Variants in SANBR observed in about 807,000 individuals in gnomAD.
SANBR encodes the protein SANT and BTB domain regulator of class switch recombination.
Under a neutral mutation model 101.8 loss-of-function variants are expected in SANBR, and 77 were observed. That is an observed-to-expected ratio of 0.76 (90% CI 0.63 to 0.91). The LOEUF (loss-of-function observed/expected upper bound fraction) is 0.91. SANBR is among the 40% of genes least tolerant of loss of function. The probability of loss-of-function intolerance (pLI) is 0.00; values close to 1 mark genes in which losing one functional copy is unlikely to be tolerated. For missense variants in SANBR, 875 were observed against 853.0 expected (o/e 1.03, Z -0.32); for synonymous variants, 279 against 274.7 (o/e 1.02, Z -0.15).
At chr2:61,132,976 G>C (rs566228639) in intron 20 of SANBR, among the ~76,000 whole-genome samples, 1 of 152,194 alleles carries the variant, frequency 6.6e-6, no homozygotes, top group Non-Finnish European at 1.5e-5. Context: ...GACTGGCCAG[G>C]TGCAGTGGCT....
In SANBR at chr2:61,122,355, T is replaced by C. The variant is rs1684367043; in HGVS notation, c.*193T>C. 1 of 1,256,186 alleles carries C rather than the reference T, an allele frequency of 8.0e-7. No homozygotes were observed. The highest frequency in any genetic ancestry group is 1.0e-6 in the Non-Finnish European group (1 of 983,726). 77.8% of individuals were successfully genotyped at this position (1,256,186 alleles called of 1,614,324 possible). ...AAATCTAATTGTAAATATGAAACTTTTTAAATCTGATTTTCTTCTAATATC... is the reference window on the plus strand; with the variant it reads ...AAATCTAATTGTAAATATGAAACTTCTTAAATCTGATTTTCTTCTAATATC... On this transcript the variant is annotated 3_prime_UTR_variant, in exon 22 of 22. Coordinates refer to ENST00000402291, the MANE Select transcript of SANBR (RefSeq NM_001129993.3).
At chr2:61,134,024 A>G in intron 20 of SANBR, 3 of 1,496,752 alleles carry the variant, frequency 2.0e-6, no homozygotes, top group African/African-American at 2.8e-5. Context: ...ATAACCCACA[A>G]TCTCACCAAT....
At position 61,099,420 on chromosome 2, in the gene SANBR, GGA is replaced by G. The variant is rs766227300; in HGVS notation, c.1365+1572_1365+1573del. The stretch of plus-strand genomic sequence containing the variant: ...TTACCTGACAGATTGTATTACAGAG[GGA>G]GAGGGGGAAGGATGACTCAGTTTCT... On this transcript the variant is annotated intron_variant, in intron 12 of 21. Coordinates refer to ENST00000402291, the MANE Select transcript of SANBR (RefSeq NM_001129993.3). Among the ~76,000 whole-genome samples, 173 of 152,182 alleles carry G rather than the reference GGA, an allele frequency of 1.1e-3. 1 individual carries two copies. Among genetic ancestry groups the G allele is most frequent in the Non-Finnish European group, 1.2e-3 (83 of 68,028 alleles).
intron 7 of SANBR, among the ~76,000 whole-genome samples, chr2:61,081,755 C>A (rs1480588113): frequency 1.3e-5 from 2 of 152,104 alleles, no homozygotes. Flanking sequence ...CTCAAGTGAT[C>A]CTCCCACCTC....
intron 7 of SANBR, among the ~76,000 whole-genome samples, chr2:61,082,233 G>GA (rs965973688): frequency 6.6e-6 from 1 of 151,922 alleles, no homozygotes; most frequent in African/African-American, 2.4e-5. Flanking sequence ...AAGGGTTACA[G>GA]AAAAAAAGCA....
At chr2:61,082,362 C>G (rs1218889838) in intron 7 of SANBR, among the ~76,000 whole-genome samples, 4 of 152,078 alleles carry the variant, frequency 2.6e-5, no homozygotes, top group Non-Finnish European at 5.9e-5. Flanking sequence ...CATGATTATC[C>G]TCTCTTTACT....
intron 4 of SANBR, 57 bp downstream of exon 4, chr2:61,071,849 A>G (rs1681491297): frequency 9.7e-7 from 1 of 1,028,010 alleles, no homozygotes; most frequent in Non-Finnish European, 1.5e-6. Context: ...GCAGAATATT[A>G]TATATTCCAA....
chr2:61,115,774 A>G, intron 16 of SANBR: 1 of 377,252 alleles, frequency 2.7e-6, no homozygotes, highest in East Asian at 4.6e-5. Context: ...AAAGAAAATG[A>G]ACCCCTGTAA....
intron 21 of SANBR, chr2:61,134,318 G>A (rs1029238028): frequency 6.6e-7 from 1 of 1,511,086 alleles, no homozygotes; most frequent in Admixed American, 2.1e-5. Flanking sequence ...TAGACCACAT[G>A]AAAGACTTTT....
At chr2:61,081,158 T>C (rs1423512821) in intron 6 of SANBR, among the ~76,000 whole-genome samples, 2 of 152,166 alleles carry the variant, frequency 1.3e-5, no homozygotes, top group African/African-American at 2.4e-5. Flanking sequence ...ATAGTCTCAA[T>C]TATCTTTTTC....
intron 9 of SANBR, 25 bp downstream of exon 9, chr2:61,088,270 G>A: frequency 6.3e-7 from 1 of 1,578,186 alleles, no homozygotes; most frequent in Non-Finnish European, 8.6e-7. Flanking sequence ...TTTTTTCTTT[G>A]GTGTACTTTA....
intron 4 of SANBR, among the ~76,000 whole-genome samples, chr2:61,072,156 C>A (rs540205570): frequency 6.6e-6 from 1 of 152,078 alleles, no homozygotes; most frequent in African/African-American, 2.4e-5. Context: ...CCAGGCTGGT[C>A]TGGAACTCCT....
chr2:61,076,109 T>G lies in SANBR; in HGVS notation c.432-811T>G, dbSNP rs574007659. 9.5e-4 allele frequency among the ~76,000 whole-genome samples: 144 copies of G among 151,594 alleles called. 1 individual carries two copies. The highest frequency in any genetic ancestry group is 3.1e-3 in the African/African-American group (128 of 41,506). ...CCCGAGTTCACACCATTCTCCTGCCTCAGCCTCCTAGGTAGCTGGGACTGC... is the reference window on the plus strand; with the variant it reads ...CCCGAGTTCACACCATTCTCCTGCCGCAGCCTCCTAGGTAGCTGGGACTGC... On this transcript the variant is annotated intron_variant, in intron 5 of 21. Coordinates refer to ENST00000402291, the MANE Select transcript of SANBR (RefSeq NM_001129993.3).
chr2:61,097,750 G>A lies in SANBR; in HGVS notation c.1263G>A (p.Val421=). The A allele has an allele frequency of 2.5e-5, 41 of 1,610,714 alleles. No homozygotes were observed. The highest frequency in any genetic ancestry group is 3.5e-5 in the Non-Finnish European group (41 of 1,177,580). The change falls in exon 12 of 22, where the codon GTG becomes GTA. Residue 421 remains valine (V), a synonymous_variant. Coordinates refer to ENST00000402291, the MANE Select transcript of SANBR (RefSeq NM_001129993.3). ...ATTGTCAATACCACTCAGAAACAGT[G>A]GTTTATCCTACTGCAGCAAGTTCAT... ...FSHCQYHSET[V]VYPTAASSLN...
At chr2:61,082,461 C>A (rs1369540221) in intron 7 of SANBR, among the ~76,000 whole-genome samples, 1 of 152,070 alleles carries the variant, frequency 6.6e-6, no homozygotes, top group South Asian at 2.1e-4. Flanking sequence ...TGAGAAAATT[C>A]GGAATTGACT....
Position 61,122,664 on chromosome 2 carries a change from C to T in SANBR, c.*502C>T. 1.0e-6 allele frequency: 1 copy of T among 986,310 alleles called. No homozygotes were observed. Among genetic ancestry groups the T allele is most frequent in the Non-Finnish European group, 1.2e-6 (1 of 830,516 alleles). 61.1% of individuals were successfully genotyped at this position (986,310 alleles called of 1,614,324 possible). On this transcript the variant is annotated 3_prime_UTR_variant, in exon 22 of 22. Coordinates refer to ENST00000402291, the MANE Select transcript of SANBR (RefSeq NM_001129993.3). ...AGTCTGCATGAATATTAAGGAGTGA[C>T]AGGTCTCAAGACTGCATTAAATGAA...
downstream of SANBR, among the ~76,000 whole-genome samples, chr2:61,124,507 C>G (rs1023153711): frequency 6.6e-6 from 1 of 151,954 alleles, no homozygotes; most frequent in Non-Finnish European, 1.5e-5. Context: ...CAAGATCAGC[C>G]TGGGCAACAT....
Position 61,121,212 on chromosome 2 carries a change from G to C in SANBR, c.2056G>C (p.Glu686Gln). ...EFAGGIYSRLEAQIKASVPVS... is the reference protein window; with the variant it reads ...EFAGGIYSRLQAQIKASVPVS... Reference sequence around the variant, plus strand: ...TGCAGGAGGTATTTATTCCAGGCTGGAAGCACAAATCAAGGCCTCAGTGCC... The same window carrying C: ...TGCAGGAGGTATTTATTCCAGGCTGCAAGCACAAATCAAGGCCTCAGTGCC... The change falls in exon 21 of 22, where the codon GAA (glutamate) becomes CAA (glutamine). Residue 686 changes from glutamate (E) to glutamine (Q), a missense_variant. By Grantham distance (29) the Glu-to-Gln change is conservative (BLOSUM62 2). Transcript: ENST00000402291. 6.4e-7 allele frequency: 1 copy of C among 1,551,146 alleles called. No homozygotes were observed. Among genetic ancestry groups the C allele is most frequent in the Non-Finnish European group, 8.7e-7 (1 of 1,146,584 alleles).
At chr2:61,111,628 G>C (rs1466704088) in intron 16 of SANBR, among the ~76,000 whole-genome samples, 2 of 152,086 alleles carry the variant, frequency 1.3e-5, no homozygotes, top group Non-Finnish European at 2.9e-5. Context: ...GATGAGTTTT[G>C]GCACACAGAT....
Sources: gnomAD v4.1 joint callset for allele counts (sites outside exome capture counted in the v4.1 genomes callset) on GRCh38, gnomAD v4.1.1 for gene constraint, MANE v1.5 for transcripts, NCBI Gene and HGNC (gene_info 2026-07-23, HGNC 2026-07-21) for gene names.